WAC: variants seen among roughly 807,000 people sequenced by gnomAD.
WAC encodes the protein WW domain containing adaptor with coiled-coil.
A neutral mutation model predicts 79.6 loss-of-function variants in WAC; 11 were observed. The observed-to-expected ratio is 0.14, with a 90% CI of 0.09 to 0.23. The LOEUF (loss-of-function observed/expected upper bound fraction) is 0.23. Among genes scored for constraint, WAC ranks in the 10% least tolerant of loss-of-function variants. The pLI, the probability that WAC is intolerant of heterozygous loss-of-function variation, is 1.00. For missense variants in WAC, 728 were observed against 773.5 expected (o/e 0.94, Z 0.70); for synonymous variants, 304 against 276.9 (o/e 1.10, Z -0.97).
At chr10:28,544,661 C>A (rs1006479801) in intron 3 of WAC, among the ~76,000 whole-genome samples, 40 of 152,214 alleles carry the variant, frequency 2.6e-4, no homozygotes, top group African/African-American at 9.4e-4. Flanking sequence ...GGACAGTTTG[C>A]CAAATGAGAG....
chr10:28,610,013 C>CGG (rs1841154342), intron 8 of WAC, among the ~76,000 whole-genome samples: 1 of 145,184 alleles, frequency 6.9e-6, no homozygotes, highest in South Asian at 2.2e-4. Flanking sequence ...CTCACTGCAA[C>CGG]CTCTGCCTCC....
rs1315983600 is a variant in WAC at position 28,590,810 on chromosome 10, C to T, written c.588C>T (p.Ala196=). The T allele has an allele frequency of 2.5e-6, 4 of 1,610,958 alleles. No homozygotes were observed. The highest frequency in any genetic ancestry group is 3.4e-6 in the Non-Finnish European group (4 of 1,179,142). ...DYRREVMQAT[A]TSGFASGMED... ...GAAGAGAGGTGATGCAAGCAACAGC[C>T]ACTAGTGGGTTTGCCAGTGGAAGTA... is the stretch of plus-strand genomic sequence containing the variant. The change falls in exon 6 of 14, where the codon GCC becomes GCT. Residue 196 remains alanine, a synonymous_variant. Transcript: ENST00000354911.
At chr10:28,610,295 C>T in intron 8 of WAC, among the ~76,000 whole-genome samples, 1 of 152,030 alleles carries the variant, frequency 6.6e-6, no homozygotes, top group Non-Finnish European at 1.5e-5. Context: ...GAATGGCCAG[C>T]TTGTCTAAAA....
intron 3 of WAC, among the ~76,000 whole-genome samples, chr10:28,568,316 A>G (rs903812220): frequency 2.6e-5 from 4 of 152,214 alleles, no homozygotes; most frequent in African/African-American, 4.8e-5. Flanking sequence ...TTTTAAGTCA[A>G]TTGGAAATAG....
At chr10:28,581,170 A>G (rs780948682) in intron 3 of WAC, among the ~76,000 whole-genome samples, 11 of 151,372 alleles carry the variant, frequency 7.3e-5, no homozygotes, top group Non-Finnish European at 1.3e-4. Context: ...TTCAGACTCC[A>G]GTAGGAAAGC....
At chr10:28,553,619 G>A (rs903089726) in intron 3 of WAC, among the ~76,000 whole-genome samples, 1 of 152,084 alleles carries the variant, frequency 6.6e-6, no homozygotes, top group African/African-American at 2.4e-5. Flanking sequence ...TTGAGGGAAG[G>A]GTTGTTACTG....
At chr10:28,617,629 T>C in intron 12 of WAC, 28 bp from the exon 13 acceptor site, 1 of 1,531,118 alleles carries the variant, frequency 6.5e-7, no homozygotes. Flanking sequence ...GTTTATATTT[T>C]ATGTTTTCTT....
At chr10:28,543,784 GT>G (rs1199092588) in intron 3 of WAC, among the ~76,000 whole-genome samples, 4 of 152,308 alleles carry the variant, frequency 2.6e-5, no homozygotes, top group Middle Eastern at 6.8e-3. Context: ...TCATTTAAGA[GT>G]TAATCACTAG....
rs1841462635 is a variant in WAC at position 28,616,265 on chromosome 10, G to A, written c.1649G>A (p.Arg550Gln). 3.7e-6 allele frequency: 6 copies of A among 1,613,818 alleles called. No homozygotes were observed. The highest frequency in any genetic ancestry group is 2.2e-5 in the South Asian group (2 of 91,080). ...ATVVPQNSSA[R>Q]STCSLTPALA... ...GTTGTACCACAGAATTCTTCTGCCC[G>A]ATCCACGTGTTCATTAACGCCTGCA... The change falls in exon 12 of 14, where the codon CGA becomes CAA. Residue 550 changes from arginine (R) to glutamine (Q), a missense_variant. Coordinates refer to ENST00000354911, the MANE Select transcript of WAC (RefSeq NM_016628.5).
chr10:28,539,916 A>G (rs1053512934), intron 3 of WAC, among the ~76,000 whole-genome samples: 4 of 152,036 alleles, frequency 2.6e-5, no homozygotes, highest in African/African-American at 9.7e-5. Flanking sequence ...TTGGAAATGT[A>G]TTTTCATCTC....
intron 4 of WAC, among the ~76,000 whole-genome samples, chr10:28,584,329 C>T (rs556463769): frequency 7.5e-4 from 114 of 152,184 alleles, no homozygotes; most frequent in Non-Finnish European, 1.5e-3. Flanking sequence ...GAGCTTGCAA[C>T]GATGTAGAAG....
At chr10:28,537,544 A>G (rs996473587) in intron 3 of WAC, 2 of 152,194 alleles carry the variant, frequency 1.3e-5, no homozygotes, top group Non-Finnish European at 2.9e-5. Context: ...AATGCTTTCA[A>G]TCATTTCCAG....
intron 4 of WAC, among the ~76,000 whole-genome samples, chr10:28,585,498 G>T (rs921314160): frequency 6.6e-6 from 1 of 151,980 alleles, no homozygotes; most frequent in South Asian, 2.1e-4. Flanking sequence ...GCCTTCACGC[G>T]TGCTATCGTC....
At chr10:28,575,766 T>C (rs2132578177) in intron 3 of WAC, among the ~76,000 whole-genome samples, 1 of 152,368 alleles carries the variant, frequency 6.6e-6, no homozygotes, top group Non-Finnish European at 1.5e-5. Context: ...GTGTTGTCTT[T>C]TCACTTTCTG....
Position 28,592,937 on chromosome 10 carries a change from C to T in WAC, c.610+2105C>T, listed in dbSNP as rs566701521. ...AATTCTGCAGTTGTTATATTGATTG[C>T]GTAGGTATACCTTCATTGACAAATA... On this transcript the variant is annotated intron_variant, in intron 6 of 13. Transcript: ENST00000354911. Among the ~76,000 whole-genome samples the T allele has an allele frequency of 2.0e-5, 3 of 152,204 alleles. No homozygotes were observed. The South Asian group carries it at 6.2e-4, about 32-fold the overall frequency.
chr10:28,561,552 T>C (rs1838299659), intron 3 of WAC, among the ~76,000 whole-genome samples: 1 of 152,154 alleles, frequency 6.6e-6, no homozygotes, highest in Non-Finnish European at 1.5e-5. Context: ...GTGTATTTAA[T>C]GGAATTTGAC....
intron 3 of WAC, among the ~76,000 whole-genome samples, chr10:28,563,849 T>C (rs1024467401): frequency 1.3e-5 from 2 of 149,790 alleles, no homozygotes; most frequent in African/African-American, 4.9e-5. Flanking sequence ...ATCCGCTGCC[T>C]TGGTCTCCCA....
chr10:28,602,890 TAAG>T lies in WAC; in HGVS notation c.920-5292_920-5290del, dbSNP rs1380775502. Among the ~76,000 whole-genome samples, 25 of 152,274 alleles carry T rather than the reference TAAG, an allele frequency of 1.6e-4. No individual in the cohort carries two copies. The East Asian group carries it at 3.9e-3, about 23-fold the overall frequency. On this transcript the variant is annotated intron_variant, in intron 7 of 13. Transcript: ENST00000354911. ...TGAATAATTTATAATTATAAAGCAT[TAAG>T]AAGTTTTGTCTCTTAAATACATAGA...
chr10:28,545,546 A>G (rs1479024367), intron 3 of WAC, among the ~76,000 whole-genome samples: 1 of 152,214 alleles, frequency 6.6e-6, no homozygotes, highest in Non-Finnish European at 1.5e-5. Flanking sequence ...TATAAACTGC[A>G]GATTTAGGGA....
Sources: allele counts gnomAD v4.1 joint callset (sites outside exome capture counted in the v4.1 genomes callset), GRCh38; gene constraint gnomAD v4.1.1; transcripts MANE v1.5; gene names NCBI Gene and HGNC (gene_info 2026-07-23, HGNC 2026-07-21).